The following RBFOX3 variants were observed in gnomAD, a reference collection of about 807,000 sequenced individuals.
RBFOX3 encodes RNA binding protein fox-1 homolog 3.
In RBFOX3, 17 loss-of-function variants were observed where a neutral mutation model predicts 48.7. The ratio of observed to expected loss-of-function variants is 0.35; its 90% confidence interval spans 0.24 to 0.52. RBFOX3 has a LOEUF of 0.52. Among genes scored for constraint, RBFOX3 ranks in the 20% least tolerant of loss-of-function variants. RBFOX3 has a pLI of 0.94. For synonymous variants in RBFOX3, 212 were observed against 209.5 expected, an observed-to-expected ratio of 1.01 and a Z score of -0.10; for missense variants, 382 against 497.5, an observed-to-expected ratio of 0.77 and a Z score of 2.21.
intron 2 of RBFOX3, among the ~76,000 whole-genome samples, chr17:79,330,060 G>C (rs971026556): frequency 6.6e-6 from 1 of 152,172 alleles, no homozygotes; most frequent in Non-Finnish European, 1.5e-5. Flanking sequence ...GTTAAGCTGG[G>C]CAGAAAAACT....
At chr17:79,566,725 C>G (rs2092468339) in intron 1 of RBFOX3, among the ~76,000 whole-genome samples, 1 of 152,218 alleles carries the variant, frequency 6.6e-6, no homozygotes, top group Admixed American at 6.5e-5. Flanking sequence ...AGAAGCCTTG[C>G]TTGCCACTGT....
intron 1 of RBFOX3, among the ~76,000 whole-genome samples, chr17:79,543,248 T>C (rs2089963074): frequency 6.6e-6 from 1 of 152,198 alleles, no homozygotes; most frequent in Non-Finnish European, 1.5e-5. Context: ...GCATCTTCTC[T>C]GTGCCAGGAG....
rs111882020 is a variant in RBFOX3, at chr17:79,160,650, C to CCATT, written c.-33-44906_-33-44903dup. On this transcript the variant is annotated intron_variant, in intron 4 of 14. Coordinates refer to ENST00000693108, the MANE Select transcript of RBFOX3 (RefSeq NM_001350451.2). ...AGGGACAGCAGGACTTGGGATTCCC[C>CCATT]CATTCATTCATTCATTCATTCATTC... Among the ~76,000 whole-genome samples the CCATT allele has an allele frequency of 3.6e-3, 545 of 152,230 alleles. 4 individuals carry two copies. Among genetic ancestry groups the CCATT allele is most frequent in the Middle Eastern group, 6.8e-3 (2 of 294 alleles).
At chr17:79,647,213 C>A in the RBFOX3 span, among the ~76,000 whole-genome samples, 1 of 152,132 alleles carries the variant, frequency 6.6e-6, no homozygotes, top group Non-Finnish European at 1.5e-5. Flanking sequence ...ATGAACTGAG[C>A]AGCCGCTGTC....
chr17:79,309,212 C>A (rs1442255242), intron 2 of RBFOX3, among the ~76,000 whole-genome samples: 2 of 152,124 alleles, frequency 1.3e-5, no homozygotes, highest in Non-Finnish European at 2.9e-5. Context: ...GCTTGTATTC[C>A]TCAAAGCACC....
At chr17:79,304,404 T>C (rs1249008139) in intron 3 of RBFOX3, among the ~76,000 whole-genome samples, 1 of 150,084 alleles carries the variant, frequency 6.7e-6, no homozygotes, top group Non-Finnish European at 1.5e-5. Flanking sequence ...AATGTAAATA[T>C]ATGCATATAT....
intron 3 of RBFOX3, among the ~76,000 whole-genome samples, chr17:79,244,459 G>A (rs56291049): frequency 0.12 from 18,152 of 151,036 alleles, 1,331 homozygotes; most frequent in East Asian, 0.26. Flanking sequence ...CATCTGTTAC[G>A]GCAGCCACAG....
chr17:79,651,995 C>T, the RBFOX3 span, among the ~76,000 whole-genome samples: 2 of 151,502 alleles, frequency 1.3e-5, no homozygotes, highest in Admixed American at 6.6e-5. Context: ...CCTTCATCCC[C>T]AGTCATGCCC....
At chr17:79,129,056 C>A (rs371469638) in intron 4 of RBFOX3, among the ~76,000 whole-genome samples, 9 of 152,220 alleles carry the variant, frequency 5.9e-5, no homozygotes, top group African/African-American at 1.9e-4. Flanking sequence ...AGTGCTTGTG[C>A]TTCCATCACT....
the RBFOX3 span, among the ~76,000 whole-genome samples, chr17:79,642,467 C>T: frequency 2.0e-5 from 3 of 152,102 alleles, no homozygotes; most frequent in Admixed American, 6.5e-5. Flanking sequence ...TCATGTTTTA[C>T]ACCTTAAATA....
At chr17:79,643,491 TTTCAAGTTTACATGACA>T in the RBFOX3 span, among the ~76,000 whole-genome samples, 1 of 152,238 alleles carries the variant, frequency 6.6e-6, no homozygotes, top group Admixed American at 6.5e-5. Context: ...TACTCATTCT[TTTCAAGTTTACATGACA>T]TATTCACCAA....
chr17:79,157,938 C>T (rs146631788), intron 4 of RBFOX3, among the ~76,000 whole-genome samples: 395 of 152,316 alleles, frequency 2.6e-3, no homozygotes, highest in Non-Finnish European at 4.2e-3. Flanking sequence ...CTGCTGAGAA[C>T]GACCGAGCTG....
At chr17:79,215,277 G>A (rs925383353) in intron 4 of RBFOX3, among the ~76,000 whole-genome samples, 1 of 152,216 alleles carries the variant, frequency 6.6e-6, no homozygotes, top group Non-Finnish European at 1.5e-5. Context: ...AGGCTGTAGG[G>A]GCAGGGAGGT....
chr17:79,316,271 G>C (rs1006874784), intron 2 of RBFOX3, among the ~76,000 whole-genome samples: 1 of 152,166 alleles, frequency 6.6e-6, no homozygotes, highest in Non-Finnish European at 1.5e-5. Flanking sequence ...ATCCTGTTTC[G>C]GGAAGATCGA....
chr17:79,198,292 C>G lies in RBFOX3; in HGVS notation c.-34+37474G>C, dbSNP rs2056094228. Among the ~76,000 whole-genome samples, 1 of 152,224 alleles carries G rather than the reference C, an allele frequency of 6.6e-6. No individual in the cohort carries two copies. The highest frequency in any genetic ancestry group is 2.4e-5 in the African/African-American group (1 of 41,458). On this transcript the variant is annotated intron_variant, in intron 4 of 14. Coordinates refer to ENST00000693108, the MANE Select transcript of RBFOX3 (RefSeq NM_001350451.2). This position sits in a 1 kb window ranked among gnomAD's most constrained non-coding sequence, Gnocchi z 8.2. The stretch of plus-strand genomic sequence containing the variant: ...GCCCCTGCCCTGCACCTCTCCATCC[C>G]ACATGAGGCGACCTTGCAGGCACAG...
chr17:79,090,912 T>C, intron 14 of RBFOX3, 27 bp from the exon 15 acceptor site: 1 of 1,521,004 alleles, frequency 6.6e-7, no homozygotes, highest in African/African-American at 1.6e-5. Flanking sequence ...AAGGCAGGAC[T>C]TGCAGCTTCT....
chr17:79,214,742 C>T lies in RBFOX3; in HGVS notation c.-34+21024G>A, dbSNP rs1031224729. Among the ~76,000 whole-genome samples the T allele has an allele frequency of 3.3e-5, 5 of 151,952 alleles. No homozygotes were observed. The highest frequency in any genetic ancestry group is 6.6e-5 in the Admixed American group (1 of 15,250). On this transcript the variant is annotated intron_variant, in intron 4 of 14. Coordinates refer to ENST00000693108, the MANE Select transcript of RBFOX3 (RefSeq NM_001350451.2). This position sits in a 1 kb window ranked among gnomAD's most constrained non-coding sequence, Gnocchi z 4.7. ...GGCCCAGGGGCCCCCAGCTACTAGACGGCCCTAGGAAACAGACACTAAATC... is the reference window on the plus strand; with the variant it reads ...GGCCCAGGGGCCCCCAGCTACTAGATGGCCCTAGGAAACAGACACTAAATC...
upstream of RBFOX3, among the ~76,000 whole-genome samples, chr17:79,614,626 T>C (rs894765277): frequency 6.6e-6 from 1 of 152,130 alleles, no homozygotes; most frequent in Non-Finnish European, 1.5e-5. Flanking sequence ...GAAATAGCAG[T>C]ATTTAATATC....
chr17:79,114,525 C>T (rs1483246668), intron 5 of RBFOX3, among the ~76,000 whole-genome samples: 2 of 152,198 alleles, frequency 1.3e-5, no homozygotes, highest in Admixed American at 6.5e-5. Flanking sequence ...ACACATGCAC[C>T]GGGGGAAGGC....
Sources: gnomAD v4.1 joint callset for allele counts (sites outside exome capture counted in the v4.1 genomes callset) on GRCh38, gnomAD v4.1.1 for gene constraint, Gnocchi (gnomAD v3.1) non-coding constraint, MANE v1.5 for transcripts, NCBI Gene and HGNC (gene_info 2026-07-23, HGNC 2026-07-21) for gene names.